TSPAN14: variants seen among roughly 807,000 people sequenced by gnomAD.
The protein encoded by TSPAN14 is tetraspanin 14.
Under a neutral mutation model 36.6 loss-of-function variants are expected in TSPAN14, and 16 were observed. The ratio of observed to expected loss-of-function variants is 0.44; its 90% CI spans 0.30 to 0.66. The LOEUF (loss-of-function observed/expected upper bound fraction) is 0.66. TSPAN14 is among the 30% of genes least tolerant of loss of function. TSPAN14 has a pLI of 0.12. For missense variants in TSPAN14, 231 were observed against 355.1 expected (o/e 0.65, Z 2.81); for synonymous variants, 139 against 143.8 (o/e 0.97, Z 0.24).
chr10:80,474,469 A>G (rs1193684750), intron 1 of TSPAN14, among the ~76,000 whole-genome samples: 1 of 144,386 alleles, frequency 6.9e-6, no homozygotes, highest in Non-Finnish European at 1.5e-5. Context: ...AGGGGAGGGG[A>G]GTGAGGGGAG....
intron 1 of TSPAN14, among the ~76,000 whole-genome samples, chr10:80,472,926 G>A (rs1254633927): frequency 1.3e-5 from 2 of 152,168 alleles, no homozygotes; most frequent in African/African-American, 4.8e-5. Flanking sequence ...GTTGCCATAT[G>A]ATTCTGGAGG....
At chr10:80,510,296 C>T (rs1840544049) in intron 5 of TSPAN14, among the ~76,000 whole-genome samples, 1 of 152,212 alleles carries the variant, frequency 6.6e-6, no homozygotes, top group South Asian at 2.1e-4. Context: ...CATTATTAAC[C>T]AAAACTTGTT....
At chr10:80,478,663 A>G (rs530399946) in intron 1 of TSPAN14, among the ~76,000 whole-genome samples, 3 of 152,166 alleles carry the variant, frequency 2.0e-5, no homozygotes, top group Non-Finnish European at 4.4e-5. Context: ...ACATCTGAAT[A>G]TAGGAGGTGG....
At position 80,509,498 on chromosome 10, in the gene TSPAN14, A is replaced by C; in HGVS notation, c.450+27A>C. ...TAAGCACCTCCCCAGCGGGCCCCCG[A>C]TAGAGCATGCACCTCCCTGTGCTGC... On this transcript the variant is annotated intron_variant, in intron 5 of 8. Coordinates refer to ENST00000429989, the Ensembl canonical transcript of TSPAN14. The surrounding 1 kb of genome is among the most constrained non-coding windows in gnomAD (Gnocchi z 4.7). 6.2e-7 allele frequency: 1 copy of C among 1,607,798 alleles called. No individual in the cohort carries two copies. Among genetic ancestry groups the C allele is most frequent in the Non-Finnish European group, 8.5e-7 (1 of 1,176,934 alleles).
chr10:80,462,919 T>A (rs1846054221), intron 1 of TSPAN14, among the ~76,000 whole-genome samples: 1 of 152,218 alleles, frequency 6.6e-6, no homozygotes, highest in African/African-American at 2.4e-5. Context: ...TCCCTGTGGA[T>A]GCCCGGGATG....
chr10:80,491,046 T>C (rs1847894705), intron 2 of TSPAN14, among the ~76,000 whole-genome samples: 1 of 152,202 alleles, frequency 6.6e-6, no homozygotes, highest in Non-Finnish European at 1.5e-5. Flanking sequence ...TACTAAGCCT[T>C]CTCAGCCTTG....
intron 1 of TSPAN14, among the ~76,000 whole-genome samples, chr10:80,486,261 TC>T (rs546591524): frequency 1.6e-3 from 245 of 152,356 alleles, no homozygotes; most frequent in Non-Finnish European, 2.9e-3. Flanking sequence ...GCGCTGGCCT[TC>T]CTGCCAACTG....
chr10:80,500,547 T>G (rs1848452846), intron 2 of TSPAN14, among the ~76,000 whole-genome samples: 1 of 152,032 alleles, frequency 6.6e-6, no homozygotes, highest in Admixed American at 6.6e-5. Flanking sequence ...GAGGCCGGTC[T>G]CAAACTCTTG....
At chr10:80,481,866 G>T (rs1847296273) in intron 1 of TSPAN14, among the ~76,000 whole-genome samples, 1 of 151,966 alleles carries the variant, frequency 6.6e-6, no homozygotes, top group Non-Finnish European at 1.5e-5. Flanking sequence ...CCATTCTCCT[G>T]CCTCAGCCTC....
In TSPAN14 at chr10:80,454,788, G is replaced by C. The variant is rs573511526; in HGVS notation, c.-18+417G>C. On this transcript the variant is annotated intron_variant, in intron 1 of 8. Transcript: ENST00000429989. ...TCTCGTCCCCAGCAGCGAGCTCGGG[G>C]ATGGGCCACCCTTTCGGCTCAGTCA... 8.6e-4 allele frequency among the ~76,000 whole-genome samples: 131 copies of C among 152,282 alleles called. 2 individuals are homozygous for C. The highest frequency in any genetic ancestry group is 8.0e-3 in the East Asian group (41 of 5,156).
intron 1 of TSPAN14, among the ~76,000 whole-genome samples, chr10:80,479,580 T>C (rs948996529): frequency 2.4e-4 from 37 of 152,268 alleles, no homozygotes; most frequent in Non-Finnish European, 4.0e-4. Context: ...TTTTCTCAGG[T>C]TTGTCAAAGA....
exon 9 of TSPAN14, chr10:80,520,070 CTG>C (rs1425492754): frequency 1.3e-5 from 2 of 158,464 alleles, no homozygotes. Context: ...GCTGCATGAG[CTG>C]TGTGTCCTGG....
intron 2 of TSPAN14, among the ~76,000 whole-genome samples, chr10:80,501,514 G>C (rs1848524392): frequency 6.6e-6 from 1 of 152,156 alleles, no homozygotes; most frequent in African/African-American, 2.4e-5. Flanking sequence ...GGAGGAGAGA[G>C]GGGAGCTCCA....
intron 1 of TSPAN14, among the ~76,000 whole-genome samples, chr10:80,479,773 C>T (rs555456705): frequency 3.8e-4 from 57 of 150,844 alleles, no homozygotes; most frequent in South Asian, 2.1e-3. Flanking sequence ...CTTGGCGATG[C>T]GGGCTCTTTT....
chr10:80,504,950 A>G (rs189780353), intron 3 of TSPAN14, among the ~76,000 whole-genome samples, 172 bp downstream of exon 3: 83 of 152,252 alleles, frequency 5.5e-4, no homozygotes, highest in African/African-American at 1.9e-3. Flanking sequence ...TGCCCACATG[A>G]TAGTATTGGC....
chr10:80,476,824 A>G (rs1021595131), intron 1 of TSPAN14, among the ~76,000 whole-genome samples: 11 of 152,098 alleles, frequency 7.2e-5, no homozygotes, highest in African/African-American at 2.7e-4. Flanking sequence ...GGCTGACTGT[A>G]TTAAATCTCA....
exon 9 of TSPAN14, chr10:80,521,508 G>A (rs1289602759): frequency 6.6e-6 from 1 of 152,334 alleles, no homozygotes; most frequent in Non-Finnish European, 1.5e-5. Flanking sequence ...GGGGCTATGG[G>A]AACCTGTCCC....
In TSPAN14 at chr10:80,461,760, G is replaced by A. The variant is rs114326703; in HGVS notation, c.-18+7389G>A. On this transcript the variant is annotated intron_variant, in intron 1 of 8. Coordinates refer to ENST00000429989, the Ensembl canonical transcript of TSPAN14. The stretch of plus-strand genomic sequence containing the variant: ...GCTCTGCTCACTCCTGCAGAAAGAC[G>A]GTTGGAGAGGGGCTGGTCTTGGTTT... Among the ~76,000 whole-genome samples, 425 of 152,178 alleles carry A rather than the reference G, an allele frequency of 2.8e-3. 3 individuals carry two copies. The highest frequency in any genetic ancestry group is 9.6e-3 in the African/African-American group (397 of 41,492).
At chr10:80,483,852 G>A (rs985803988) in intron 1 of TSPAN14, among the ~76,000 whole-genome samples, 4 of 134,530 alleles carry the variant, frequency 3.0e-5, no homozygotes, top group Non-Finnish European at 4.7e-5. Flanking sequence ...GGAGGTTGCA[G>A]TGAGCCAAGA....
Sources: allele counts gnomAD v4.1 joint callset (sites outside exome capture counted in the v4.1 genomes callset), GRCh38; gene constraint gnomAD v4.1.1; non-coding constraint Gnocchi (gnomAD v3.1); transcripts MANE v1.5; gene names NCBI Gene and HGNC (gene_info 2026-07-23, HGNC 2026-07-21).